Variants in SKAP1 observed in about 807,000 individuals in gnomAD.
SKAP1 encodes the protein src kinase-associated phosphoprotein 1.
A neutral mutation model predicts 58.5 loss-of-function variants in SKAP1; 44 were observed. The observed-to-expected ratio is 0.75, with a 90% CI of 0.59 to 0.97. The LOEUF (loss-of-function observed/expected upper bound fraction) is 0.97. Among genes scored for constraint, SKAP1 ranks in the 50% least tolerant of loss-of-function variants. The pLI, the probability that SKAP1 is intolerant of heterozygous loss-of-function variation, is 0.00. For synonymous variants in SKAP1, 127 were observed against 149.7 expected, an observed-to-expected ratio of 0.85 and a Z score of 1.11; for missense variants, 390 against 435.2, an observed-to-expected ratio of 0.90 and a Z score of 0.92.
At chr17:48,374,257 T>G (rs1200055604) in intron 2 of SKAP1, among the ~76,000 whole-genome samples, 4 of 149,808 alleles carry the variant, frequency 2.7e-5, no homozygotes, top group Non-Finnish European at 5.9e-5. Context: ...CCCAGACTGG[T>G]CTTGAACTCC....
At chr17:48,211,337 GA>G (rs1350570055) in intron 4 of SKAP1, among the ~76,000 whole-genome samples, 15 of 152,212 alleles carry the variant, frequency 9.9e-5, no homozygotes, top group Admixed American at 5.9e-4. Context: ...TTCATTTCAG[GA>G]GTGGGAGAAT....
the SKAP1 span, among the ~76,000 whole-genome samples, chr17:48,435,504 G>A: frequency 2.5e-3 from 377 of 152,272 alleles, 4 homozygotes; most frequent in East Asian, 0.026. Flanking sequence ...TAATTTTATA[G>A]ACTATAGACT....
chr17:48,318,071 C>T (rs2066312840), intron 4 of SKAP1, among the ~76,000 whole-genome samples: 1 of 152,054 alleles, frequency 6.6e-6, no homozygotes, highest in African/African-American at 2.4e-5. Context: ...TGAACAATAC[C>T]ACTGATTTTT....
At chr17:48,303,225 G>A (rs530052660) in intron 4 of SKAP1, among the ~76,000 whole-genome samples, 1 of 152,240 alleles carries the variant, frequency 6.6e-6, no homozygotes, top group South Asian at 2.1e-4. Flanking sequence ...TTCTGGTTAT[G>A]CTAAGACATT....
intron 9 of SKAP1, among the ~76,000 whole-genome samples, chr17:48,171,108 T>G (rs1218635694): frequency 1.4e-5 from 2 of 146,890 alleles, no homozygotes; most frequent in African/African-American, 5.0e-5. Flanking sequence ...TTTTTTTTTT[T>G]TTTTTTTTTT....
At chr17:48,357,405 T>C (rs2066888577) in intron 3 of SKAP1, among the ~76,000 whole-genome samples, 1 of 152,046 alleles carries the variant, frequency 6.6e-6, no homozygotes, top group Admixed American at 6.6e-5. Context: ...CTGAGGCGGA[T>C]GGATCATGAG....
At chr17:48,256,908 C>A (rs1362130779) in intron 4 of SKAP1, among the ~76,000 whole-genome samples, 1 of 151,934 alleles carries the variant, frequency 6.6e-6, no homozygotes, top group Non-Finnish European at 1.5e-5. Flanking sequence ...GTCACTTGGT[C>A]CAAACACTGC....
In SKAP1 at chr17:48,237,201, T is replaced by C. The variant is rs16954200; in HGVS notation, c.281-47701A>G. On this transcript the variant is annotated intron_variant, in intron 4 of 12. Coordinates refer to ENST00000336915, the MANE Select transcript of SKAP1 (RefSeq NM_003726.4). The stretch of plus-strand genomic sequence containing the variant: ...TCCCAAATACAATAAGAGAATGTCA[T>C]AAAGATTTTCAGGGCTATGGTAAAA... Among the ~76,000 whole-genome samples the C allele has an allele frequency of 9.3e-3, 1,415 of 152,322 alleles. 115 individuals carry two copies. In the East Asian group the frequency reaches 0.2, roughly 22 times the overall value.
chr17:48,394,911 GC>G (rs2067396554), intron 2 of SKAP1, among the ~76,000 whole-genome samples: 1 of 152,072 alleles, frequency 6.6e-6, no homozygotes. Context: ...CTAATTTCTG[GC>G]TCCTCATTTC....
intron 11 of SKAP1, among the ~76,000 whole-genome samples, chr17:48,137,975 A>C (rs1164995813): frequency 6.6e-6 from 1 of 152,202 alleles, no homozygotes; most frequent in African/African-American, 2.4e-5. Flanking sequence ...AAAACAACTG[A>C]AAGTGTTTGA....
Position 48,157,823 on chromosome 17 carries a change from C to T in SKAP1, c.978+4646G>A, listed in dbSNP as rs576407496. ...GGATTACAGGCATGAGCCACCACACCTAGCCACTGGGGAGCATCTTTCTTG... is the reference window on the plus strand; with the variant it reads ...GGATTACAGGCATGAGCCACCACACTTAGCCACTGGGGAGCATCTTTCTTG... On this transcript the variant is annotated intron_variant, in intron 11 of 12. Transcript: ENST00000336915. 1.2e-4 allele frequency among the ~76,000 whole-genome samples: 18 copies of T among 151,938 alleles called. No individual in the cohort carries two copies. In the East Asian group the frequency reaches 3.5e-3, roughly 30 times the overall value.
At chr17:48,145,778 G>T (rs2063824703) in intron 11 of SKAP1, among the ~76,000 whole-genome samples, 1 of 152,088 alleles carries the variant, frequency 6.6e-6, no homozygotes, top group African/African-American at 2.4e-5. Context: ...CTCTTCCATG[G>T]CTCCCCTGGA....
At chr17:48,242,717 G>A (rs540797479) in intron 4 of SKAP1, among the ~76,000 whole-genome samples, 2 of 152,326 alleles carry the variant, frequency 1.3e-5, no homozygotes, top group East Asian at 3.9e-4. Flanking sequence ...ATTTGATGGT[G>A]TGGTTTGAAC....
intron 1 of SKAP1, among the ~76,000 whole-genome samples, chr17:48,415,990 C>T (rs2067727459): frequency 6.6e-6 from 1 of 152,164 alleles, no homozygotes; most frequent in African/African-American, 2.4e-5. Flanking sequence ...TGTCTATAGT[C>T]CTCTTCTCTA....
intron 4 of SKAP1, among the ~76,000 whole-genome samples, chr17:48,200,104 A>G (rs2064706932): frequency 6.6e-6 from 1 of 151,842 alleles, no homozygotes; most frequent in Admixed American, 6.6e-5. Flanking sequence ...CCTGGCCAAT[A>G]TGGTGAAACT....
At chr17:48,183,785 CATA>C (rs1157146384) in intron 7 of SKAP1, among the ~76,000 whole-genome samples, 2 of 151,964 alleles carry the variant, frequency 1.3e-5, no homozygotes, top group African/African-American at 2.4e-5. Flanking sequence ...CTGGAAATTA[CATA>C]ATGAAGACCT....
At position 48,180,241 on chromosome 17, in the gene SKAP1, G is replaced by A; in HGVS notation, c.639C>T (p.Ser213=). The change falls in exon 9 of 13, where the codon AGC becomes AGT. Residue 213 remains serine (S), a synonymous_variant. Coordinates refer to ENST00000336915, the MANE Select transcript of SKAP1 (RefSeq NM_003726.4). ...CCTCTTCATATGGAATGGTTAAGGA[G>A]CTCAGATCTAACAAGGCAAAGATGA... ...DQISFLLKDL[S]SLTIPYEEDE... The A allele has an allele frequency of 1.0e-5, 16 of 1,573,344 alleles. No individual in the cohort carries two copies. Among genetic ancestry groups the A allele is most frequent in the Non-Finnish European group, 1.3e-5 (15 of 1,159,310 alleles).
At chr17:48,264,745 A>AACACACACACACACACACACACAC (rs55733017) in intron 4 of SKAP1, among the ~76,000 whole-genome samples, 5 of 142,752 alleles carry the variant, frequency 3.5e-5, no homozygotes, top group African/African-American at 1.0e-4. Flanking sequence ...AAATCTACAA[A>AACACACACACACACACACACACAC]ACACACACAC....
At chr17:48,256,563 A>C (rs2065425948) in intron 4 of SKAP1, among the ~76,000 whole-genome samples, 2 of 152,092 alleles carry the variant, frequency 1.3e-5, no homozygotes, top group African/African-American at 4.8e-5. Context: ...TCCTAGTCCT[A>C]GTTTTCAGGA....
Sources: allele counts gnomAD v4.1 joint callset (sites outside exome capture counted in the v4.1 genomes callset), GRCh38; gene constraint gnomAD v4.1.1; transcripts MANE v1.5; gene names NCBI Gene and HGNC (gene_info 2026-07-23, HGNC 2026-07-21).